The following LSM14A variants were observed in gnomAD, a reference collection of about 807,000 sequenced individuals.
LSM14A encodes the protein LSM14A mRNA processing body assembly factor, also known as protein LSM14 homolog A.
A neutral mutation model predicts 52.4 loss-of-function variants in LSM14A; 14 were observed. The observed-to-expected ratio is 0.27, with a 90% CI of 0.18 to 0.42. The LOEUF (loss-of-function observed/expected upper bound fraction) is 0.42, where lower values mean the gene tolerates loss of function less well. LSM14A is among the 10% of genes least tolerant of loss of function. The probability of loss-of-function intolerance (pLI) is 1.00; values close to 1 mark genes in which losing one functional copy is unlikely to be tolerated. For missense variants in LSM14A, 417 were observed against 581.8 expected, an observed-to-expected ratio of 0.72 and a Z score of 2.91; for synonymous variants, 185 against 200.3, an observed-to-expected ratio of 0.92 and a Z score of 0.64.
chr19:34,180,241 A>G (rs970505050), intron 1 of LSM14A, among the ~76,000 whole-genome samples: 2 of 152,184 alleles, frequency 1.3e-5, no homozygotes, highest in African/African-American at 4.8e-5. Flanking sequence ...TTTAGTGGAC[A>G]AAGTGTGAGT....
intron 3 of LSM14A, among the ~76,000 whole-genome samples, chr19:34,199,952 G>A (rs904928409): frequency 6.6e-6 from 1 of 152,154 alleles, no homozygotes; most frequent in African/African-American, 2.4e-5. Context: ...TTTACAAAGG[G>A]GGAAAAATGT....
At chr19:34,202,167 TTTTTGTTTTGTTTTG>T (rs541306081) in intron 3 of LSM14A, among the ~76,000 whole-genome samples, 5 of 147,822 alleles carry the variant, frequency 3.4e-5, no homozygotes, top group Non-Finnish European at 6.0e-5. Flanking sequence ...GTTGGTTTGG[TTTTTGTTTTGTTTTG>T]TTTTGTTTTG....
rs2072537368 is a variant in LSM14A, at chr19:34,215,781, G to A, written c.781+120G>A. 4 of 694,234 alleles carry A rather than the reference G, an allele frequency of 5.8e-6. No individual in the cohort carries two copies. In the East Asian group the frequency reaches 1.1e-4, roughly 19 times the overall value. 43.0% of individuals were successfully genotyped at this position (694,234 alleles called of 1,614,324 possible). A position where few individuals can be genotyped will look rare whatever the true frequency, so the allele number is the denominator to read the frequency against. On this transcript the variant is annotated intron_variant, in intron 6 of 9. Coordinates refer to ENST00000544216, the MANE Select transcript of LSM14A (RefSeq NM_015578.4). ...CGGGGGTTGTGACTGTAAAGGAGGA[G>A]CACAGGGGAGTGTCACTGTGGTGAC...
intron 1 of LSM14A, among the ~76,000 whole-genome samples, chr19:34,173,304 C>T (rs996352717): frequency 6.6e-6 from 1 of 152,180 alleles, no homozygotes; most frequent in South Asian, 2.1e-4. Flanking sequence ...GGAGCAGATC[C>T]CATCTCCCTC....
intron 6 of LSM14A, among the ~76,000 whole-genome samples, chr19:34,219,030 T>C (rs2072876760): frequency 6.6e-6 from 1 of 152,166 alleles, no homozygotes; most frequent in Non-Finnish European, 1.5e-5. Context: ...AGTTTGCCGG[T>C]GTTGGGGATA....
rs750167011 is a variant in LSM14A, at chr19:34,208,884, A to G, written c.416-45A>G. On this transcript the variant is annotated intron_variant, in intron 3 of 9. Transcript: ENST00000544216. ...TACTTTATATCATTGAATAATGTCA[A>G]ACATTTTTTAAAATTTTTTTATCAT... 5 of 1,418,172 alleles carry G rather than the reference A, an allele frequency of 3.5e-6. No individual in the cohort carries two copies. In the South Asian group the frequency reaches 4.0e-5, roughly 11 times the overall value. The allele number at this position is 1,418,172 out of a possible 1,614,324, so 87.8% of individuals were successfully genotyped here. A position where few individuals can be genotyped will look rare whatever the true frequency, so the allele number is the denominator to read the frequency against.
At chr19:34,197,834 G>T (rs529004625) in intron 3 of LSM14A, among the ~76,000 whole-genome samples, 2 of 152,120 alleles carry the variant, frequency 1.3e-5, no homozygotes, top group African/African-American at 4.8e-5. Flanking sequence ...TTTTGTTTCT[G>T]TAACACTGGA....
chr19:34,206,004 A>G (rs1022379990), intron 3 of LSM14A, among the ~76,000 whole-genome samples: 5 of 152,258 alleles, frequency 3.3e-5, no homozygotes, highest in African/African-American at 1.2e-4. Flanking sequence ...ATGAATGTCA[A>G]CAAATGTGAT....
chr19:34,219,851 T>C lies in LSM14A; in HGVS notation c.1110T>C (p.Phe370=), dbSNP rs1213686947. ...ATTATGACAAAACTAAATCCTTCTT[T>C]GATAATATTTCTTGTGATGACAATA... The part of the protein sequence containing the change: ...NCYYDKTKSF[F]DNISCDDNRE... The change falls in exon 8 of 10, where the codon TTT becomes TTC. Residue 370 remains phenylalanine (F), a synonymous_variant. Transcript: ENST00000544216. 3 of 1,611,384 alleles carry C rather than the reference T, an allele frequency of 1.9e-6. No individual in the cohort carries two copies. The highest frequency in any genetic ancestry group is 2.7e-5 in the African/African-American group (2 of 74,864).
rs1253922313 is a variant in LSM14A, at chr19:34,227,288, A to G, written c.1369-77A>G. The G allele has an allele frequency of 3.1e-6, 3 of 959,552 alleles. No homozygotes were observed. The African/African-American group carries it at 5.0e-5, about 16-fold the overall frequency. The allele number at this position is 959,552 out of a possible 1,614,324, so 59.4% of individuals were successfully genotyped here. On this transcript the variant is annotated intron_variant, in intron 9 of 9. Transcript: ENST00000544216. The stretch of plus-strand genomic sequence containing the variant: ...GGAGTATATTTAAAGATAATTTAAA[A>G]TAAACTTGAGCAAAGTAAAAAGAAA...
intron 3 of LSM14A, among the ~76,000 whole-genome samples, chr19:34,202,304 G>T (rs2071355611): frequency 6.6e-6 from 1 of 150,656 alleles, no homozygotes; most frequent in South Asian, 2.1e-4. Context: ...GACCAGCCTG[G>T]GCAACATAGC....
At position 34,172,812 on chromosome 19, in the gene LSM14A, G is replaced by C. The variant is rs753221415; in HGVS notation, c.121+49G>C. 3 of 1,514,614 alleles carry C rather than the reference G, an allele frequency of 2.0e-6. No homozygotes were observed. The African/African-American group carries it at 4.4e-5, about 22-fold the overall frequency. The allele number at this position is 1,514,614 out of a possible 1,614,324, so 93.8% of individuals were successfully genotyped here. On this transcript the variant is annotated intron_variant, in intron 1 of 9. Transcript: ENST00000544216. Reference sequence around the variant, plus strand: ...TGGGGGCCGAGCCGGGCGCCGCTCGGGGCTGCTCCCCGCTCCGGCCCGCGG... The same window carrying C: ...TGGGGGCCGAGCCGGGCGCCGCTCGCGGCTGCTCCCCGCTCCGGCCCGCGG...
Position 34,206,435 on chromosome 19 carries a change from G to A in LSM14A, c.416-2494G>A, listed in dbSNP as rs376913435. On this transcript the variant is annotated intron_variant, in intron 3 of 9. Coordinates refer to ENST00000544216, the MANE Select transcript of LSM14A (RefSeq NM_015578.4). ...TGTAATCCCAGCACTTTGGGAGGCC[G>A]AGGCGGGCAGATCACGAGGTCAGGA... 7.2e-4 allele frequency among the ~76,000 whole-genome samples: 109 copies of A among 151,878 alleles called. 1 individual carries two copies. The highest frequency in any genetic ancestry group is 2.3e-3 in the African/African-American group (94 of 41,412).
At chr19:34,213,974 G>A (rs958685959) in intron 4 of LSM14A, among the ~76,000 whole-genome samples, 2 of 151,958 alleles carry the variant, frequency 1.3e-5, no homozygotes, top group African/African-American at 4.8e-5. Flanking sequence ...GTAGAGACAG[G>A]CTTTCGCCAT....
chr19:34,192,319 G>GTTTTTTTTTTTTTTTTTTTTTTTT lies in LSM14A; in HGVS notation c.122-2136_122-2135insTTTTTTTTTTTTTTTTTTTTTTTT, dbSNP rs71165632. ...ACACTGAAATAACATTCTTTTTGTT[G>GTTTTTTTTTTTTTTTTTTTTTTTT]TTTTTTTTTTTTTTTTTTTTTTTGG... On this transcript the variant is annotated intron_variant, in intron 1 of 9. Transcript: ENST00000544216. 3.7e-4 allele frequency among the ~76,000 whole-genome samples: 20 copies of GTTTTTTTTTTTTTTTTTTTTTTTT among 53,410 alleles called. 1 individual carries two copies. The highest frequency in any genetic ancestry group is 6.5e-4 in the African/African-American group (8 of 12,364). The allele number at this position is 53,410 out of a possible 152,430, so 35.0% of individuals were successfully genotyped here. A position where few individuals can be genotyped will look rare whatever the true frequency, so the allele number is the denominator to read the frequency against.
At chr19:34,193,324 A>T (rs111437404) in intron 1 of LSM14A, among the ~76,000 whole-genome samples, 2 of 113,236 alleles carry the variant, frequency 1.8e-5, no homozygotes, top group Non-Finnish European at 3.8e-5. Flanking sequence ...GCTAATTTTT[A>T]AAAATGTTTA....
At chr19:34,179,643 C>T (rs2069331938) in intron 1 of LSM14A, among the ~76,000 whole-genome samples, 1 of 151,698 alleles carries the variant, frequency 6.6e-6, no homozygotes, top group Non-Finnish European at 1.5e-5. Flanking sequence ...CCATGATTTT[C>T]TAAGTCGGAA....
chr19:34,197,419 T>A (rs966489947), intron 3 of LSM14A, among the ~76,000 whole-genome samples: 1 of 145,218 alleles, frequency 6.9e-6, no homozygotes, highest in Non-Finnish European at 1.5e-5. Flanking sequence ...TTTTTCTTTT[T>A]AATTTCTTTT....
chr19:34,211,163 C>T (rs190802734), intron 4 of LSM14A, among the ~76,000 whole-genome samples: 2 of 151,504 alleles, frequency 1.3e-5, no homozygotes, highest in African/African-American at 4.8e-5. Context: ...AAAAATTAGC[C>T]GGGCATGGTG....
Sources: gnomAD v4.1 joint callset for allele counts (sites outside exome capture counted in the v4.1 genomes callset) on GRCh38, gnomAD v4.1.1 for gene constraint, MANE v1.5 for transcripts, NCBI Gene and HGNC (gene_info 2026-07-23, HGNC 2026-07-21) for gene names.